The following REV3L variants were observed in gnomAD, a reference collection of about 807,000 sequenced individuals.
REV3L encodes REV3 like, DNA directed polymerase zeta catalytic subunit.
REV3L carries 69 observed loss-of-function variants against 299.4 expected under a neutral mutation model. The observed-to-expected ratio is 0.23, with a 90% CI of 0.19 to 0.28. The LOEUF is 0.28. Ranked by LOEUF, REV3L falls within the 10% of genes least tolerant of loss-of-function variation. REV3L has a pLI of 1.00. For synonymous variants in REV3L, 1,238 were observed against 1,271.4 expected (o/e 0.97, Z 0.56); for missense variants, 3,128 against 3,693.8 (o/e 0.85, Z 3.97).
chr6:111,424,118 G>A (rs776204264), intron 1 of REV3L, among the ~76,000 whole-genome samples: 1 of 152,176 alleles, frequency 6.6e-6, no homozygotes, highest in African/African-American at 2.4e-5. Context: ...ATATTTAAGA[G>A]AGGCACTAAA....
At chr6:111,470,216 G>A (rs566119898) in intron 1 of REV3L, among the ~76,000 whole-genome samples, 4 of 148,644 alleles carry the variant, frequency 2.7e-5, no homozygotes, top group African/African-American at 7.5e-5. Context: ...ACACACAAAT[G>A]TGAATAAGAA....
chr6:111,345,264 T>C (rs907075584), intron 20 of REV3L, among the ~76,000 whole-genome samples: 6 of 151,916 alleles, frequency 3.9e-5, no homozygotes, highest in Admixed American at 2.0e-4. Context: ...AGGGAAGATA[T>C]GGGGAACAGA....
chr6:111,361,661 G>A (rs944043554), intron 16 of REV3L: 1 of 152,054 alleles, frequency 6.6e-6, no homozygotes, highest in Non-Finnish European at 1.5e-5. Flanking sequence ...GTGTGACTAG[G>A]CAAGAGGCAG....
In REV3L at chr6:111,372,777, T is replaced by C. The variant is rs367557428; in HGVS notation, c.5578A>G (p.Ser1860Gly). 16 of 1,612,784 alleles carry C rather than the reference T, an allele frequency of 9.9e-6. No individual in the cohort carries two copies. Among genetic ancestry groups the C allele is most frequent in the African/African-American group, 1.3e-5 (1 of 74,914 alleles). ...CCATTTTTAGATTGTGAAGGAGAGCTAGTAGATCTTGGTGAACTATCAGGA... is the reference window on the plus strand; with the variant it reads ...CCATTTTTAGATTGTGAAGGAGAGCCAGTAGATCTTGGTGAACTATCAGGA... Reference protein sequence around the residue: ...PTPDSSPRSTSSPSQSKNGSF... With the variant: ...PTPDSSPRSTGSPSQSKNGSF... Residue 1860 changes from serine to glycine, a missense_variant, in exon 13 of 32, where the codon AGC becomes GGC. This residue lies in a region of REV3L where 2,409 missense variants were observed against 2,611.8 expected (regional missense o/e 0.92). Coordinates refer to ENST00000368802, the MANE Select transcript of REV3L (RefSeq NM_001372078.1).
intron 1 of REV3L, among the ~76,000 whole-genome samples, chr6:111,427,218 GTAAAT>G (rs1786281368): frequency 6.6e-6 from 1 of 152,100 alleles, no homozygotes; most frequent in South Asian, 2.1e-4. Context: ...TGCAAGTCTA[GTAAAT>G]TATTCAACCA....
intron 1 of REV3L, among the ~76,000 whole-genome samples, chr6:111,420,298 T>C (rs1785187688): frequency 6.6e-6 from 1 of 152,224 alleles, no homozygotes; most frequent in Admixed American, 6.5e-5. Flanking sequence ...AACTTTGATA[T>C]GTATACACCA....
At chr6:111,372,150 A>C (rs1779866601) in intron 13 of REV3L, among the ~76,000 whole-genome samples, 1 of 152,246 alleles carries the variant, frequency 6.6e-6, no homozygotes, top group Non-Finnish European at 1.5e-5. Context: ...TCACTTAGAG[A>C]TATATCAGAG....
chr6:111,422,452 A>G (rs1015187676), intron 1 of REV3L, among the ~76,000 whole-genome samples: 6 of 151,292 alleles, frequency 4.0e-5, no homozygotes, highest in Non-Finnish European at 5.9e-5. Flanking sequence ...ATTTCCTAGT[A>G]TAAGAAAATG....
At chr6:111,474,986 TATACACAC>T (rs954052903) in intron 1 of REV3L, among the ~76,000 whole-genome samples, 8 of 18,114 alleles carry the variant, frequency 4.4e-4, no homozygotes, top group Admixed American at 1.2e-3. Context: ...GCTGCCTATA[TATACACAC>T]ACACACACAC....
intron 1 of REV3L, among the ~76,000 whole-genome samples, chr6:111,435,335 A>G (rs1787427277): frequency 6.6e-6 from 1 of 152,346 alleles, no homozygotes; most frequent in East Asian, 1.9e-4. Flanking sequence ...TGGAACCATA[A>G]AAGACCCTGA....
chr6:111,345,713 A>G (rs191505139), intron 20 of REV3L, among the ~76,000 whole-genome samples: 6 of 151,458 alleles, frequency 4.0e-5, no homozygotes, highest in African/African-American at 9.7e-5. Context: ...TTCATAGTCA[A>G]TCATGGTAAT....
chr6:111,479,677 TTTTG>T (rs372483131), intron 1 of REV3L, among the ~76,000 whole-genome samples: 86 of 152,116 alleles, frequency 5.7e-4, no homozygotes, highest in African/African-American at 1.7e-3. Context: ...GCCCAGCCAA[TTTTG>T]TTTGTTTGTT....
rs374612681 is a variant in REV3L at position 111,376,785 on chromosome 6, T to C, written c.1598-28A>G. The C allele has an allele frequency of 7.2e-4, 1,073 of 1,490,854 alleles. 15 individuals are homozygous for C. The South Asian group carries it at 0.014, about 19-fold the overall frequency. 92.4% of individuals were successfully genotyped at this position (1,490,854 alleles called of 1,614,324 possible). On this transcript the variant is annotated intron_variant, in intron 12 of 31. Transcript: ENST00000368802. The stretch of plus-strand genomic sequence containing the variant: ...GAAATGAGGAGGGAAAAACAGTTTA[T>C]TTCATTTTACTCTTTTAATTTTTAA...
intron 1 of REV3L, among the ~76,000 whole-genome samples, chr6:111,423,076 A>G (rs1281531413): frequency 1.3e-5 from 2 of 152,176 alleles, no homozygotes; most frequent in Admixed American, 6.6e-5. Flanking sequence ...AAATGTAGTC[A>G]TAATTTCTCT....
intron 1 of REV3L, among the ~76,000 whole-genome samples, chr6:111,465,407 A>T (rs919199784): frequency 5.3e-5 from 8 of 151,782 alleles, no homozygotes; most frequent in African/African-American, 1.9e-4. Context: ...ATAAAATTAC[A>T]AGAGTGAAAA....
At chr6:111,325,469 C>T (rs1268353707) in intron 25 of REV3L, among the ~76,000 whole-genome samples, 1 of 152,150 alleles carries the variant, frequency 6.6e-6, no homozygotes, top group Non-Finnish European at 1.5e-5. Flanking sequence ...GAGACATTAA[C>T]CTACAACTAT....
chr6:111,455,912 G>C (rs1308450232), intron 1 of REV3L, among the ~76,000 whole-genome samples: 5 of 152,158 alleles, frequency 3.3e-5, no homozygotes, highest in Admixed American at 3.3e-4. Context: ...AAGATGGAAT[G>C]CACATGCAAT....
At chr6:111,353,436 C>T (rs1777777103) in intron 18 of REV3L, among the ~76,000 whole-genome samples, 1 of 152,152 alleles carries the variant, frequency 6.6e-6, no homozygotes, top group Admixed American at 6.5e-5. Flanking sequence ...CAAACTTCTG[C>T]AACAGCACAC....
chr6:111,386,233 T>C (rs985976139), intron 9 of REV3L, among the ~76,000 whole-genome samples: 7 of 152,192 alleles, frequency 4.6e-5, no homozygotes, highest in Non-Finnish European at 7.3e-5. Context: ...AAAGACCATC[T>C]AATACTTGTA....
Sources: allele counts gnomAD v4.1 joint callset (sites outside exome capture counted in the v4.1 genomes callset), GRCh38; gene constraint gnomAD v4.1.1; regional missense constraint gnomAD v4.1.1; transcripts MANE v1.5; gene names NCBI Gene and HGNC (gene_info 2026-07-23, HGNC 2026-07-21).